SLC1A5: variants seen among roughly 807,000 people sequenced by gnomAD.
SLC1A5 encodes the protein neutral amino acid transporter B(0).
A neutral mutation model predicts 34.9 loss-of-function variants in SLC1A5; 25 were observed. The observed-to-expected ratio is 0.72, with a 90% CI of 0.52 to 1.00. SLC1A5 has a LOEUF of 1.00. Among genes scored for constraint, SLC1A5 ranks in the 50% least tolerant of loss-of-function variants. The pLI is 0.00. For missense variants in SLC1A5, 637 were observed against 740.0 expected (o/e 0.86, Z 1.61); for synonymous variants, 351 against 341.2 (o/e 1.03, Z -0.32).
intron 7 of SLC1A5, among the ~76,000 whole-genome samples, chr19:46,776,159 T>C (rs572581736): frequency 6.6e-6 from 1 of 152,046 alleles, no homozygotes; most frequent in East Asian, 1.9e-4. Context: ...TTTAGTATAT[T>C]CAGACTTGTG....
intron 3 of SLC1A5, among the ~76,000 whole-genome samples, chr19:46,783,414 C>T (rs1250611595): frequency 6.8e-6 from 1 of 147,288 alleles, no homozygotes; most frequent in African/African-American, 2.5e-5. Flanking sequence ...TGCAGTGAAC[C>T]GAGATCACGC....
rs142731847 is a variant in SLC1A5 at position 46,775,666 on chromosome 19, C to G, written c.1470G>C (p.Glu490Asp). 2.5e-6 allele frequency: 4 copies of G among 1,614,154 alleles called. No homozygotes were observed. In the East Asian group the frequency reaches 8.9e-5, roughly 36 times the overall value. The change falls in exon 8 of 8, where the codon GAG becomes GAC. Residue 490 changes from glutamate (E) to aspartate (D), a missense_variant. Transcript: ENST00000542575. ...TCAACTCAGGCTCTGTGCTTCTCGA[C>G]TCCGTACGGTCCACGTAATTTTGGA... is the stretch of plus-strand genomic sequence containing the variant. ...GLLQNYVDRT[E>D]SRSTEPELIQ...
At chr19:46,779,295 A>G (rs2055126492) in intron 4 of SLC1A5, among the ~76,000 whole-genome samples, 1 of 152,036 alleles carries the variant, frequency 6.6e-6, no homozygotes, top group South Asian at 2.1e-4. Flanking sequence ...GTGGTGGCGC[A>G]TGCCTGCAAT....
Position 46,787,164 on chromosome 19 carries a change from C to T in SLC1A5, c.566+236G>A. Reference sequence around the variant, plus strand: ...CTATGTCTCCCCAAATCACTTTCTTCTCCCTCTATAAGACCCCACTTATGT... The same window carrying T: ...CTATGTCTCCCCAAATCACTTTCTTTTCCCTCTATAAGACCCCACTTATGT... On this transcript the variant is annotated intron_variant, in intron 1 of 7. Transcript: ENST00000542575. The surrounding 1 kb of genome is among the most constrained non-coding windows in gnomAD (Gnocchi z 5.2). 1 of 1,242,374 alleles carries T rather than the reference C, an allele frequency of 8.0e-7. No homozygotes were observed. The highest frequency in any genetic ancestry group is 1.1e-6 in the Non-Finnish European group (1 of 951,398). The allele number at this position is 1,242,374 out of a possible 1,614,324, so 77.0% of individuals were successfully genotyped here.
chr19:46,779,421 T>G (rs1475647769), intron 4 of SLC1A5, among the ~76,000 whole-genome samples: 12 of 101,920 alleles, frequency 1.2e-4, no homozygotes, highest in Non-Finnish European at 2.0e-4. Flanking sequence ...TGAAACTCCA[T>G]CTCAAAAAAA....
At chr19:46,782,350 C>CCCCCCCCCCCCCCCCCCCCA in intron 4 of SLC1A5, 33 bp downstream of exon 4, 15 of 631,594 alleles carry the variant, frequency 2.4e-5, no homozygotes, top group East Asian at 9.9e-5. Context: ...CCTCCAACCC[C>CCCCCCCCCCCCCCCCCCCCA]ACCCACCCCC....
intron 3 of SLC1A5, among the ~76,000 whole-genome samples, chr19:46,783,298 T>C (rs2055161424): frequency 6.6e-6 from 1 of 151,644 alleles, no homozygotes; most frequent in Non-Finnish European, 1.5e-5. Flanking sequence ...ACCCCATCTC[T>C]ACTAAAAATA....
chr19:46,777,144 G>A, intron 6 of SLC1A5, 35 bp from the exon 7 acceptor site: 1 of 1,609,612 alleles, frequency 6.2e-7, no homozygotes, highest in Non-Finnish European at 8.5e-7. Flanking sequence ...GCAGATGCCT[G>A]TCTTGTGGGA....
In SLC1A5 at chr19:46,775,270, T is replaced by C; in HGVS notation, c.*240A>G. The stretch of plus-strand genomic sequence containing the variant: ...AACATTATTTCTCCATCTTGCTGTT[T>C]TCTAGCCTTGAGTTGGGGACATGAG... On this transcript the variant is annotated 3_prime_UTR_variant, in exon 8 of 8. Coordinates refer to ENST00000542575, the MANE Select transcript of SLC1A5 (RefSeq NM_005628.3). 3 of 1,260,508 alleles carry C rather than the reference T, an allele frequency of 2.4e-6. No individual in the cohort carries two copies. The highest frequency in any genetic ancestry group is 3.0e-6 in the Non-Finnish European group (3 of 999,126). 78.1% of individuals were successfully genotyped at this position (1,260,508 alleles called of 1,614,324 possible). A position where few individuals can be genotyped will look rare whatever the true frequency, so the allele number is the denominator to read the frequency against.
chr19:46,787,187 T>A lies in SLC1A5; in HGVS notation c.566+213A>T. ...TTCTCCCTCTATAAGACCCCACTTA[T>A]GTACCCAGGCCCCCAGATTTAGAAA... On this transcript the variant is annotated intron_variant, in intron 1 of 7. Transcript: ENST00000542575. This position sits in a 1 kb window ranked among gnomAD's most constrained non-coding sequence, Gnocchi z 5.2. 1 of 1,374,502 alleles carries A rather than the reference T, an allele frequency of 7.3e-7. No individual in the cohort carries two copies. The highest frequency in any genetic ancestry group is 2.8e-5 in the East Asian group (1 of 36,086). 85.1% of individuals were successfully genotyped at this position (1,374,502 alleles called of 1,614,324 possible).
chr19:46,784,037 C>T, intron 3 of SLC1A5, 60 bp downstream of exon 3: 1 of 1,406,082 alleles, frequency 7.1e-7, no homozygotes, highest in East Asian at 2.3e-5. Context: ...AGAAATAAAA[C>T]CAAAAAATTA....
rs760093764 is a variant in SLC1A5 at position 46,784,721 on chromosome 19, C to T, written c.567-162G>A. On this transcript the variant is annotated intron_variant, in intron 1 of 7. Transcript: ENST00000542575. ...ATGCCTCAGCCCGGCAGGGTTGGAA[C>T]TAGGCTTGCACCCCTTTGCAGGACT... The T allele has an allele frequency of 2.0e-6, 3 of 1,524,078 alleles. No individual in the cohort carries two copies. The East Asian group carries it at 7.2e-5, about 37-fold the overall frequency. The allele number at this position is 1,524,078 out of a possible 1,614,324, so 94.4% of individuals were successfully genotyped here. A position where few individuals can be genotyped will look rare whatever the true frequency, so the allele number is the denominator to read the frequency against.
chr19:46,784,397 C>T (rs907760610), intron 2 of SLC1A5, 120 bp downstream of exon 2: 9 of 1,138,450 alleles, frequency 7.9e-6, no homozygotes, highest in East Asian at 2.3e-5. Flanking sequence ...GCTCTGAGCC[C>T]GTATTCTCAT....
At position 46,785,589 on chromosome 19, in the gene SLC1A5, CA is replaced by C. The variant is rs770205428; in HGVS notation, c.567-1031del. ...AAATAGCAGAGCTGGGATTTGAACC[CA>C]GCCAGCTGGCTCCATAGCCCCAAGC... On this transcript the variant is annotated intron_variant, in intron 1 of 7. Coordinates refer to ENST00000542575, the MANE Select transcript of SLC1A5 (RefSeq NM_005628.3). Among the ~76,000 whole-genome samples, 59 of 152,200 alleles carry C rather than the reference CA, an allele frequency of 3.9e-4. 1 individual carries two copies. Among genetic ancestry groups the C allele is most frequent in the Admixed American group, 2.0e-3 (30 of 15,272 alleles).
At chr19:46,778,031 C>T (rs1010386788) in intron 5 of SLC1A5, among the ~76,000 whole-genome samples, 1 of 152,108 alleles carries the variant, frequency 6.6e-6, no homozygotes, top group African/African-American at 2.4e-5. Context: ...ACCAATAATA[C>T]ACTAAGAATT....
intron 4 of SLC1A5, among the ~76,000 whole-genome samples, chr19:46,780,967 G>C (rs1023757405): frequency 8.6e-5 from 13 of 151,916 alleles, no homozygotes; most frequent in African/African-American, 2.4e-4. Flanking sequence ...GCAAGACTCT[G>C]TCTCTAAATA....
chr19:46,782,346 A>AACCCCCCCCCCCCCCCCCCCCCCC, intron 4 of SLC1A5, 37 bp downstream of exon 4: 3 of 567,982 alleles, frequency 5.3e-6, no homozygotes, highest in South Asian at 1.8e-5. Flanking sequence ...CGACCCTCCA[A>AACCCCCCCCCCCCCCCCCCCCCCC]CCCCACCCAC....
Position 46,775,613 on chromosome 19 carries a change from T to C in SLC1A5, c.1523A>G (p.Asp508Gly), listed in dbSNP as rs764619722. 1.5e-5 allele frequency: 25 copies of C among 1,613,988 alleles called. No individual in the cohort carries two copies. Among genetic ancestry groups the C allele is most frequent in the Admixed American group, 3.3e-5 (2 of 59,968 alleles). Residue 508 changes from aspartate to glycine, a missense_variant, in exon 8 of 8, where the codon GAT (aspartate) becomes GGT (glycine). Asp to Gly is a moderately conservative substitution (Grantham distance 94, BLOSUM62 -1). Transcript: ENST00000542575. The part of the protein sequence containing the change: ...LIQVKSELPL[D>G]PLPVPTEEGN... ...TTCCTCAGTGGGGACTGGCAGCGGA[T>C]CCAGGGGCAGCTCACTCTTCACTTG...
chr19:46,775,800 G>C, intron 7 of SLC1A5, 53 bp from the exon 8 acceptor site: 1 of 1,567,418 alleles, frequency 6.4e-7, no homozygotes, highest in East Asian at 2.3e-5. Flanking sequence ...GGGTGAGAGG[G>C]AAGGAAAGGG....
Sources: gnomAD v4.1 joint callset for allele counts (sites outside exome capture counted in the v4.1 genomes callset) on GRCh38, gnomAD v4.1.1 for gene constraint, Gnocchi (gnomAD v3.1) non-coding constraint, MANE v1.5 for transcripts, NCBI Gene and HGNC (gene_info 2026-07-23, HGNC 2026-07-21) for gene names.